Variants in NACC2 observed in about 807,000 individuals in gnomAD.
NACC2 encodes the protein NACC family member 2, also known as nucleus accumbens-associated protein 2.
NACC2 carries 8 observed loss-of-function variants against 25.1 expected under a neutral mutation model. That is an observed-to-expected ratio of 0.32 (90% confidence interval 0.19 to 0.57). The LOEUF (loss-of-function observed/expected upper bound fraction) is 0.57. Ranked by LOEUF, NACC2 falls within the 20% of genes least tolerant of loss-of-function variation. NACC2 has a pLI of 0.89. For synonymous variants in NACC2, 435 were observed against 294.7 expected (o/e 1.48, Z -4.88); for missense variants, 644 against 650.2 (o/e 0.99, Z 0.10).
chr9:136,027,123 G>A (rs1404116740), intron 2 of NACC2, among the ~76,000 whole-genome samples: 1 of 152,222 alleles, frequency 6.6e-6, no homozygotes, highest in Admixed American at 6.5e-5. Context: ...TACTCGGGAG[G>A]CTGAGGCACA....
intron 1 of NACC2, among the ~76,000 whole-genome samples, chr9:136,089,158 G>C (rs962467551): frequency 6.6e-6 from 1 of 151,944 alleles, no homozygotes; most frequent in Non-Finnish European, 1.5e-5. Flanking sequence ...GAGAACCAGC[G>C]GGGCGGCAGC....
chr9:136,071,225 A>G (rs1325543922), intron 1 of NACC2, among the ~76,000 whole-genome samples: 1 of 151,334 alleles, frequency 6.6e-6, no homozygotes, highest in Non-Finnish European at 1.5e-5. Context: ...AGACAGAGCA[A>G]GACTACGTCT....
At chr9:136,051,876 AAGG>A (rs1162435573) in intron 1 of NACC2, among the ~76,000 whole-genome samples, 4,924 of 132,120 alleles carry the variant, frequency 0.037, 94 homozygotes, top group South Asian at 0.079. Context: ...GGGAGCCGGC[AAGG>A]AGGAGGAGGA....
At chr9:136,079,003 T>A (rs1830293308) in intron 1 of NACC2, among the ~76,000 whole-genome samples, 1 of 151,212 alleles carries the variant, frequency 6.6e-6, no homozygotes, top group African/African-American at 2.4e-5. Context: ...CCCTAACGGT[T>A]CCCGAGGGAG....
chr9:136,090,521 T>C (rs1830423731), intron 1 of NACC2, among the ~76,000 whole-genome samples: 1 of 151,774 alleles, frequency 6.6e-6, no homozygotes, highest in South Asian at 2.1e-4. Context: ...TTTTGTGGGG[T>C]GGGGGCTGGG....
Position 136,084,885 on chromosome 9 carries a change from C to T in NACC2, c.-60+10304G>A, listed in dbSNP as rs1346183889. ...CTCACATGCAGTCCCGGAAGCAGGC[C>T]TACAGAGACAGGAAGTAGAAAGGTG... On this transcript the variant is annotated intron_variant, in intron 1 of 5. Transcript: ENST00000277554. This position sits in a 1 kb window ranked among gnomAD's most constrained non-coding sequence, Gnocchi z 5.1. 6.6e-6 allele frequency among the ~76,000 whole-genome samples: 1 copy of T among 152,124 alleles called. No individual in the cohort carries two copies. Among genetic ancestry groups the T allele is most frequent in the South Asian group, 2.1e-4 (1 of 4,824 alleles).
Position 136,050,545 on chromosome 9 carries a change from G to A in NACC2, c.-24C>T, listed in dbSNP as rs1840813022. On this transcript the variant is annotated 5_prime_UTR_variant, in exon 2 of 6. Transcript: ENST00000277554. ...ATGGCGGGCGGGCAGCGGCGGGGCT[G>A]GGCTCTCAGCGCGGGGCGGCCCTAG... 1.3e-6 allele frequency: 1 copy of A among 752,012 alleles called. No homozygotes were observed. Among genetic ancestry groups the A allele is most frequent in the Non-Finnish European group, 2.4e-6 (1 of 412,972 alleles). The allele number at this position is 752,012 out of a possible 1,614,324, so 46.6% of individuals were successfully genotyped here.
intron 2 of NACC2, among the ~76,000 whole-genome samples, chr9:136,032,964 G>A (rs1214498815): frequency 6.6e-6 from 1 of 150,902 alleles, no homozygotes; most frequent in Non-Finnish European, 1.5e-5. Context: ...GTTGCAGTGA[G>A]CCGAGATCAC....
intron 2 of NACC2, among the ~76,000 whole-genome samples, chr9:136,045,353 C>T (rs4842088): frequency 3.5e-4 from 47 of 135,288 alleles, no homozygotes; most frequent in East Asian, 1.2e-3. Flanking sequence ...GAAAGGGTTA[C>T]CGTCACGGGC....
intron 1 of NACC2, among the ~76,000 whole-genome samples, chr9:136,089,681 C>T (rs1830415853): frequency 6.6e-6 from 1 of 151,448 alleles, no homozygotes; most frequent in Non-Finnish European, 1.5e-5. Context: ...AATGGGGGAC[C>T]CCAGCCCCAA....
At chr9:136,012,842 G>A (rs1009603731) in intron 5 of NACC2, among the ~76,000 whole-genome samples, 2 of 152,196 alleles carry the variant, frequency 1.3e-5, no homozygotes, top group African/African-American at 2.4e-5. Context: ...GCCCCCACAC[G>A]CCCAAGAGCG....
At chr9:136,049,338 CG>C (rs1840778675) in intron 2 of NACC2, among the ~76,000 whole-genome samples, 5 of 152,188 alleles carry the variant, frequency 3.3e-5, no homozygotes, top group Admixed American at 2.0e-4. Flanking sequence ...CCTTCACAGA[CG>C]GGGAACGTGA....
At chr9:136,047,761 C>T (rs1252203539) in intron 2 of NACC2, among the ~76,000 whole-genome samples, 1 of 151,996 alleles carries the variant, frequency 6.6e-6, no homozygotes, top group African/African-American at 2.4e-5. Flanking sequence ...TGCTGACTCC[C>T]CAAAAACCCA....
intron 1 of NACC2, among the ~76,000 whole-genome samples, chr9:136,059,555 G>A (rs568116137): frequency 4.6e-5 from 7 of 152,360 alleles, no homozygotes; most frequent in East Asian, 3.9e-4. Context: ...TGCCGAAGTC[G>A]GCTAGACGTT....
chr9:136,023,018 G>A (rs1265879516), intron 2 of NACC2, among the ~76,000 whole-genome samples: 5 of 122,908 alleles, frequency 4.1e-5, no homozygotes, highest in African/African-American at 1.6e-4. Context: ...AAGGCAGAGA[G>A]GGACATTCAC....
chr9:136,084,731 A>G lies in NACC2; in HGVS notation c.-60+10458T>C, dbSNP rs1329618712. Reference sequence around the variant, plus strand: ...TCAAAGGAAATGGCGGCGGGCGCACACACACACATACATCACGCAGCCTGG... The same window carrying G: ...TCAAAGGAAATGGCGGCGGGCGCACGCACACACATACATCACGCAGCCTGG... On this transcript the variant is annotated intron_variant, in intron 1 of 5. Coordinates refer to ENST00000277554, the MANE Select transcript of NACC2 (RefSeq NM_144653.5). This position sits in a 1 kb window ranked among gnomAD's most constrained non-coding sequence, Gnocchi z 5.1. 6.6e-6 allele frequency among the ~76,000 whole-genome samples: 1 copy of G among 152,230 alleles called. No homozygotes were observed. Among genetic ancestry groups the G allele is most frequent in the African/African-American group, 2.4e-5 (1 of 41,458 alleles).
chr9:136,047,468 T>C (rs1384435418), intron 2 of NACC2, among the ~76,000 whole-genome samples: 2 of 152,164 alleles, frequency 1.3e-5, no homozygotes, highest in Admixed American at 6.5e-5. Context: ...GTATGGTAGG[T>C]GGGCGGGAGC....
At chr9:136,049,615 G>A (rs1840784556) in intron 2 of NACC2, 21 bp downstream of exon 2, 2 of 766,028 alleles carry the variant, frequency 2.6e-6, no homozygotes, top group Admixed American at 3.4e-5. Context: ...GGTGGTGTGG[G>A]GCTCCACCCC....
At position 136,074,983 on chromosome 9, in the gene NACC2, G is replaced by A. The variant is rs1057366361; in HGVS notation, c.-60+20206C>T. Among the ~76,000 whole-genome samples the A allele has an allele frequency of 7.9e-5, 12 of 152,252 alleles. 1 individual carries two copies. Among genetic ancestry groups the A allele is most frequent in the Middle Eastern group, 3.2e-3 (1 of 316 alleles). On this transcript the variant is annotated intron_variant, in intron 1 of 5. Coordinates refer to ENST00000277554, the MANE Select transcript of NACC2 (RefSeq NM_144653.5). ...TGTCCCCCACTCACTGTCGCGTATG[G>A]GGCTGGGGGAACAGCAATCGGATCC...
Sources: allele counts gnomAD v4.1 joint callset (sites outside exome capture counted in the v4.1 genomes callset), GRCh38; gene constraint gnomAD v4.1.1; non-coding constraint Gnocchi (gnomAD v3.1); transcripts MANE v1.5; gene names NCBI Gene and HGNC (gene_info 2026-07-23, HGNC 2026-07-21).